The following SHTN1 variants were observed in gnomAD, a reference collection of about 807,000 sequenced individuals.
The protein encoded by SHTN1 is shootin-1.
In SHTN1, 42 loss-of-function variants were observed where a neutral mutation model predicts 83.1. The observed-to-expected ratio is 0.51, with a 90% CI of 0.39 to 0.65. The LOEUF is 0.65. Ranked by LOEUF, SHTN1 falls within the 30% of genes least tolerant of loss-of-function variation. The pLI, the probability that SHTN1 is intolerant of heterozygous loss-of-function variation, is 0.00. For missense variants in SHTN1, 622 were observed against 737.8 expected, an observed-to-expected ratio of 0.84 and a Z score of 1.82; for synonymous variants, 224 against 247.7, an observed-to-expected ratio of 0.90 and a Z score of 0.90.
chr10:117,105,259 AATG>A (rs1466782354), intron 1 of SHTN1, among the ~76,000 whole-genome samples: 1 of 152,224 alleles, frequency 6.6e-6, no homozygotes, highest in African/African-American at 2.4e-5. Context: ...CACTTATCAC[AATG>A]ATATCTAAAA....
intron 7 of SHTN1, 121 bp from the exon 8 acceptor site, chr10:116,945,139 C>G: frequency 1.5e-6 from 1 of 668,588 alleles, no homozygotes; most frequent in Non-Finnish European, 2.6e-6. Flanking sequence ...CTCATGCATT[C>G]CTGGTTGGCA....
intron 1 of SHTN1, among the ~76,000 whole-genome samples, chr10:116,993,308 C>T (rs1851512194): frequency 6.6e-6 from 1 of 152,124 alleles, no homozygotes; most frequent in Non-Finnish European, 1.5e-5. Context: ...AGCCACCATG[C>T]ACTGGCCTGT....
chr10:116,930,020 A>AG lies in SHTN1; in HGVS notation c.859-19_859-18insC. ...TCTTTGACCTATAAGTTATTTAAAA[A>AG]AAAAAGACTTTTATGGCTGACAGTT... is the stretch of plus-strand genomic sequence containing the variant. On this transcript the variant is annotated intron_variant, in intron 9 of 16. Coordinates refer to ENST00000355371, the MANE Select transcript of SHTN1 (RefSeq NM_001127211.3). The AG allele has an allele frequency of 6.7e-7, 1 of 1,501,846 alleles. No individual in the cohort carries two copies. The highest frequency in any genetic ancestry group is 8.9e-7 in the Non-Finnish European group (1 of 1,120,760). The allele number at this position is 1,501,846 out of a possible 1,614,324, so 93.0% of individuals were successfully genotyped here.
At chr10:116,991,358 A>G (rs1851429306) in intron 1 of SHTN1, among the ~76,000 whole-genome samples, 1 of 152,136 alleles carries the variant, frequency 6.6e-6, no homozygotes, top group African/African-American at 2.4e-5. Context: ...TTTGTAAAGA[A>G]GTTTATTTGG....
At chr10:116,957,613 T>C (rs868330577) in intron 4 of SHTN1, among the ~76,000 whole-genome samples, 1 of 152,050 alleles carries the variant, frequency 6.6e-6, no homozygotes, top group Non-Finnish European at 1.5e-5. Flanking sequence ...CAAATGTAAA[T>C]AGGGTTTTTA....
chr10:116,954,089 C>T lies in SHTN1; in HGVS notation c.389G>A (p.Gly130Asp), dbSNP rs895028332. 1.1e-5 allele frequency: 17 copies of T among 1,613,622 alleles called. No homozygotes were observed. Among genetic ancestry groups the T allele is most frequent in the Non-Finnish European group, 1.4e-5 (16 of 1,179,892 alleles). ...TACTGAGACACAAGTCTCGGCGGCA[C>T]CGTCTGTGTCTGTAGTCGAATCTTC... ...DDEDSTTDTD[G>D]AAETCVSVQC... Residue 130 changes from glycine to aspartate, a missense_variant, in exon 5 of 17, where the codon GGT (glycine) becomes GAT (aspartate). Coordinates refer to ENST00000355371, the MANE Select transcript of SHTN1 (RefSeq NM_001127211.3).
At chr10:116,965,666 C>A (rs1266386026) in intron 3 of SHTN1, among the ~76,000 whole-genome samples, 1 of 152,184 alleles carries the variant, frequency 6.6e-6, no homozygotes, top group Non-Finnish European at 1.5e-5. Flanking sequence ...ACTCTTAATA[C>A]TGAAGGGCAA....
intron 1 of SHTN1, among the ~76,000 whole-genome samples, chr10:117,075,620 G>A (rs1042060075): frequency 6.6e-6 from 1 of 152,126 alleles, no homozygotes; most frequent in African/African-American, 2.4e-5. Context: ...GAGTGGTCAA[G>A]AAGACACCAG....
At chr10:116,912,731 G>C (rs1848247736) in intron 13 of SHTN1, among the ~76,000 whole-genome samples, 1 of 152,100 alleles carries the variant, frequency 6.6e-6, no homozygotes, top group Non-Finnish European at 1.5e-5. Flanking sequence ...TTTCACAAAG[G>C]ATAGAGATGA....
At chr10:116,999,492 A>C (rs1851747345) in intron 1 of SHTN1, among the ~76,000 whole-genome samples, 1 of 152,172 alleles carries the variant, frequency 6.6e-6, no homozygotes, top group African/African-American at 2.4e-5. Context: ...AACGCCTAAA[A>C]AGTTTCCTTA....
chr10:116,933,880 T>C (rs555544971), intron 9 of SHTN1, among the ~76,000 whole-genome samples: 45 of 152,348 alleles, frequency 3.0e-4, no homozygotes, highest in East Asian at 1.9e-4. Flanking sequence ...TGAGATGGTA[T>C]CTCATTGTGG....
chr10:116,914,141 T>C (rs949599391), intron 13 of SHTN1, among the ~76,000 whole-genome samples: 6 of 152,296 alleles, frequency 3.9e-5, no homozygotes, highest in Admixed American at 3.9e-4. Flanking sequence ...TCGCCTTGCC[T>C]GGCTATCTTG....
chr10:116,939,292 G>C (rs1194701535), intron 9 of SHTN1, among the ~76,000 whole-genome samples: 1 of 152,196 alleles, frequency 6.6e-6, no homozygotes, highest in Non-Finnish European at 1.5e-5. Flanking sequence ...GGGCCCTGGT[G>C]GTGTAGGCAC....
At chr10:117,001,398 A>T (rs1197829099) in intron 1 of SHTN1, among the ~76,000 whole-genome samples, 1 of 152,188 alleles carries the variant, frequency 6.6e-6, no homozygotes, top group Non-Finnish European at 1.5e-5. Flanking sequence ...TATAAATTAG[A>T]GATTGTTCAT....
In SHTN1 at chr10:116,900,192, A is replaced by G. The variant is rs567196655; in HGVS notation, c.1673+1573T>C. On this transcript the variant is annotated intron_variant, in intron 16 of 16. Coordinates refer to ENST00000355371, the MANE Select transcript of SHTN1 (RefSeq NM_001127211.3). ...TTTATTTAGCTAAAGAATGTCAAGA[A>G]CCGAATAATCGAGCATTAGGTTTCA... 8 of 219,110 alleles carry G rather than the reference A, an allele frequency of 3.7e-5. No homozygotes were observed. In the East Asian group the frequency reaches 7.5e-4, roughly 21 times the overall value. The allele number at this position is 219,110 out of a possible 1,614,324, so 13.6% of individuals were successfully genotyped here. A position where few individuals can be genotyped will look rare whatever the true frequency, so the allele number is the denominator to read the frequency against.
At chr10:116,943,295 C>T (rs1436003993) in intron 8 of SHTN1, among the ~76,000 whole-genome samples, 1 of 152,204 alleles carries the variant, frequency 6.6e-6, no homozygotes, top group African/African-American at 2.4e-5. Context: ...TTCTCTGCTA[C>T]CACATGGCCT....
Position 116,954,131 on chromosome 10 carries a change from T to C in SHTN1, c.347A>G (p.Glu116Gly), listed in dbSNP as rs764355045. The C allele has an allele frequency of 1.5e-5, 24 of 1,613,742 alleles. No individual in the cohort carries two copies. The highest frequency in any genetic ancestry group is 1.9e-5 in the Non-Finnish European group (23 of 1,179,786). Residue 116 changes from glutamate to glycine, a missense_variant, in exon 5 of 17, where the codon GAG (glutamate) becomes GGG (glycine). This residue lies in a region of SHTN1 where 383 missense variants were observed against 455.8 expected (regional missense o/e 0.84). Coordinates refer to ENST00000355371, the MANE Select transcript of SHTN1 (RefSeq NM_001127211.3). ...CGAATCTTCATCATCAATGTTTATCTCTTCAGTTATTACATCTGGTCCCAG... is the reference window on the plus strand; with the variant it reads ...CGAATCTTCATCATCAATGTTTATCCCTTCAGTTATTACATCTGGTCCCAG... ...AKLGPDVITE[E>G]INIDDEDSTT...
chr10:116,963,252 T>G (rs1312359341), intron 3 of SHTN1, among the ~76,000 whole-genome samples: 2 of 150,658 alleles, frequency 1.3e-5, no homozygotes, highest in African/African-American at 2.4e-5. Flanking sequence ...TTTTGTATTT[T>G]TAGTAGAGAC....
At chr10:117,103,314 C>A (rs1853621686) in intron 1 of SHTN1, among the ~76,000 whole-genome samples, 1 of 151,986 alleles carries the variant, frequency 6.6e-6, no homozygotes, top group Admixed American at 6.6e-5. Context: ...TGGTCTCGAA[C>A]TCCTGACCTC....
Sources: gnomAD v4.1 joint callset for allele counts (sites outside exome capture counted in the v4.1 genomes callset) on GRCh38, gnomAD v4.1.1 for gene constraint, gnomAD v4.1.1 regional missense constraint, MANE v1.5 for transcripts, NCBI Gene and HGNC (gene_info 2026-07-23, HGNC 2026-07-21) for gene names.